Variants in SLC22A11 observed in about 807,000 individuals in gnomAD.
SLC22A11 encodes organic anion transporter 4.
Under a neutral mutation model 49.4 loss-of-function variants are expected in SLC22A11, and 42 were observed. That is an observed-to-expected ratio of 0.85 (90% CI 0.66 to 1.10). SLC22A11 has a LOEUF of 1.10. Ranked by LOEUF, SLC22A11 falls within the 50% of genes least tolerant of loss-of-function variation. The pLI is 0.00. For synonymous variants in SLC22A11, 304 were observed against 315.8 expected (o/e 0.96, Z 0.40); for missense variants, 685 against 731.6 (o/e 0.94, Z 0.74).
At position 64,569,807 on chromosome 11, in the gene SLC22A11, C is replaced by T. The variant is rs748923537; in HGVS notation, c.1538C>T (p.Pro513Leu). 7 of 1,613,886 alleles carry T rather than the reference C, an allele frequency of 4.3e-6. No individual in the cohort carries two copies. Among genetic ancestry groups the T allele is most frequent in the East Asian group, 2.2e-5 (1 of 44,892 alleles). ...AGCCTGGTTGTGCTGTTCTTCCTCC[C>T]GGAGACCCAGGGACTTCCGCTCCCT... ...ASSLVVLFFL[P>L]ETQGLPLPDT... is the part of the protein sequence containing the mutation. Residue 513 changes from proline (P) to leucine (L), a missense_variant, in exon 9 of 10, where the codon CCG (proline) becomes CTG (leucine). Pro to Leu is a moderately conservative substitution (Grantham distance 98, BLOSUM62 -3). Transcript: ENST00000301891.
chr11:64,564,995 C>T lies in SLC22A11; in HGVS notation c.943-227C>T, dbSNP rs2038603252. On this transcript the variant is annotated intron_variant, in intron 5 of 9. Transcript: ENST00000301891. The surrounding 1 kb of genome is among the most constrained non-coding windows in gnomAD (Gnocchi z 4.2). ...GGGAAGGCTTCCAGAAGGAGGCAAG[C>T]TAGAGCTGAGAGGACCAGGGCTGAG... Among the ~76,000 whole-genome samples, 1 of 152,194 alleles carries T rather than the reference C, an allele frequency of 6.6e-6. No individual in the cohort carries two copies. The highest frequency in any genetic ancestry group is 2.1e-4 in the South Asian group (1 of 4,828).
At position 64,564,241 on chromosome 11, in the gene SLC22A11, C is replaced by G; in HGVS notation, c.822-67C>G. 2.5e-6 allele frequency: 4 copies of G among 1,599,364 alleles called. No individual in the cohort carries two copies. Among genetic ancestry groups the G allele is most frequent in the Non-Finnish European group, 3.4e-6 (4 of 1,171,310 alleles). ...CAGCTGGAGGGTCCGTGCCCACTGC[C>G]CCTTTCCACCCCGCCCCGGGGGAGA... is the stretch of plus-strand genomic sequence containing the variant. On this transcript the variant is annotated intron_variant, in intron 4 of 9. Coordinates refer to ENST00000301891, the MANE Select transcript of SLC22A11 (RefSeq NM_018484.4). The surrounding 1 kb of genome is among the most constrained non-coding windows in gnomAD (Gnocchi z 4.2).
rs186206900 is a variant in SLC22A11, at chr11:64,564,253, C to T, written c.822-55C>T. The T allele has an allele frequency of 2.7e-5, 43 of 1,605,798 alleles. No individual in the cohort carries two copies. The highest frequency in any genetic ancestry group is 1.7e-4 in the South Asian group (15 of 90,078). Reference sequence around the variant, plus strand: ...CCGTGCCCACTGCCCCTTTCCACCCCGCCCCGGGGGAGAGCCCAGCGTGCA... The same window carrying T: ...CCGTGCCCACTGCCCCTTTCCACCCTGCCCCGGGGGAGAGCCCAGCGTGCA... On this transcript the variant is annotated intron_variant, in intron 4 of 9. Coordinates refer to ENST00000301891, the MANE Select transcript of SLC22A11 (RefSeq NM_018484.4). The surrounding 1 kb of genome is among the most constrained non-coding windows in gnomAD (Gnocchi z 4.2).
In SLC22A11 at chr11:64,569,666, G is replaced by A. The variant is rs1043971845; in HGVS notation, c.1397G>A (p.Gly466Asp). The change falls in exon 9 of 10, where the codon GGC becomes GAC. Residue 466 changes from glycine (G) to aspartate (D), a missense_variant. Coordinates refer to ENST00000301891, the MANE Select transcript of SLC22A11 (RefSeq NM_018484.4). Reference sequence around the variant, plus strand: ...TTCACCCACAGGATGACAGCAGATGGCATTCTGCATACAGTGGGCCGGCTG... The same window carrying A: ...TTCACCCACAGGATGACAGCAGATGACATTCTGCATACAGTGGGCCGGCTG... ...FPTPVRMTAD[G>D]ILHTVGRLGA... 2 of 1,613,868 alleles carry A rather than the reference G, an allele frequency of 1.2e-6. No homozygotes were observed. Among genetic ancestry groups the A allele is most frequent in the Admixed American group, 1.7e-5 (1 of 59,990 alleles).
chr11:64,565,155 C>T lies in SLC22A11; in HGVS notation c.943-67C>T. On this transcript the variant is annotated intron_variant, in intron 5 of 9. Transcript: ENST00000301891. The surrounding 1 kb of genome is among the most constrained non-coding windows in gnomAD (Gnocchi z 4.1). ...TCACTCTGGCCACTTGGACACTGTT[C>T]TCTGGCACAGGGGGTGGGGCAGGGC... The T allele has an allele frequency of 7.8e-7, 1 of 1,282,444 alleles. No individual in the cohort carries two copies. Among genetic ancestry groups the T allele is most frequent in the African/African-American group, 1.5e-5 (1 of 67,796 alleles). 79.4% of individuals were successfully genotyped at this position (1,282,444 alleles called of 1,614,324 possible). A position where few individuals can be genotyped will look rare whatever the true frequency, so the allele number is the denominator to read the frequency against.
At chr11:64,566,162 CTG>C (rs900180601) in intron 6 of SLC22A11, 17 of 153,688 alleles carry the variant, frequency 1.1e-4, no homozygotes, top group African/African-American at 3.9e-4. Context: ...AGGAGGATCA[CTG>C]GAGCCCAGGA....
chr11:64,565,533 G>A lies in SLC22A11; in HGVS notation c.1058+196G>A, dbSNP rs777447179. The A allele has an allele frequency of 3.1e-6, 2 of 653,376 alleles. No homozygotes were observed. Among genetic ancestry groups the A allele is most frequent in the Non-Finnish European group, 2.8e-6 (1 of 354,210 alleles). The allele number at this position is 653,376 out of a possible 1,614,324, so 40.5% of individuals were successfully genotyped here. A position where few individuals can be genotyped will look rare whatever the true frequency, so the allele number is the denominator to read the frequency against. On this transcript the variant is annotated intron_variant, in intron 6 of 9. Transcript: ENST00000301891. This position sits in a 1 kb window ranked among gnomAD's most constrained non-coding sequence, Gnocchi z 4.1. Reference sequence around the variant, plus strand: ...GGCAGCAGAGAGGGACTATGCACAGGTGGGATCTGGAGGCTGCCATCTGCA... The same window carrying A: ...GGCAGCAGAGAGGGACTATGCACAGATGGGATCTGGAGGCTGCCATCTGCA...
Position 64,556,041 on chromosome 11 carries a change from C to T in SLC22A11, c.42C>T (p.Gly14=). 1.2e-6 allele frequency: 2 copies of T among 1,613,274 alleles called. No homozygotes were observed. Among genetic ancestry groups the T allele is most frequent in the Non-Finnish European group, 1.7e-6 (2 of 1,179,988 alleles). Reference sequence around the variant, plus strand: ...TCTTGGAGCAAGCCGGAGGCGTGGGCCTCTTCCAGACCCTGCAGGTGCTCA... The same window carrying T: ...TCTTGGAGCAAGCCGGAGGCGTGGGTCTCTTCCAGACCCTGCAGGTGCTCA... ...SKLLEQAGGV[G]LFQTLQVLTF... is the part of the protein sequence containing the mutation. Residue 14 remains glycine, a synonymous_variant, in exon 1 of 10, where the codon GGC becomes GGT. Coordinates refer to ENST00000301891, the MANE Select transcript of SLC22A11 (RefSeq NM_018484.4).
rs962321674 is a variant in SLC22A11, at chr11:64,564,132, C to T, written c.822-176C>T. ...TGGGCGGCCAGGCATTGGGACTCAGCTTTATTCTGAAACCGCTGGGGACTG... is the reference window on the plus strand; with the variant it reads ...TGGGCGGCCAGGCATTGGGACTCAGTTTTATTCTGAAACCGCTGGGGACTG... On this transcript the variant is annotated intron_variant, in intron 4 of 9. Coordinates refer to ENST00000301891, the MANE Select transcript of SLC22A11 (RefSeq NM_018484.4). The surrounding 1 kb of genome is among the most constrained non-coding windows in gnomAD (Gnocchi z 4.2). Among the ~76,000 whole-genome samples, 2 of 152,150 alleles carry T rather than the reference C, an allele frequency of 1.3e-5. No homozygotes were observed. Among genetic ancestry groups the T allele is most frequent in the Non-Finnish European group, 2.9e-5 (2 of 68,018 alleles).
chr11:64,565,485 C>A lies in SLC22A11; in HGVS notation c.1058+148C>A, dbSNP rs1287695165. The A allele has an allele frequency of 1.4e-6, 1 of 711,504 alleles. No homozygotes were observed. Among genetic ancestry groups the A allele is most frequent in the Non-Finnish European group, 2.5e-6 (1 of 398,422 alleles). 44.1% of individuals were successfully genotyped at this position (711,504 alleles called of 1,614,324 possible). Reference sequence around the variant, plus strand: ...CTGTCTGGGACAGGACGCAGACAGCCCCAGCAGGCAGGAGTCCTGGCAGGC... The same window carrying A: ...CTGTCTGGGACAGGACGCAGACAGCACCAGCAGGCAGGAGTCCTGGCAGGC... On this transcript the variant is annotated intron_variant, in intron 6 of 9. Transcript: ENST00000301891. This position sits in a 1 kb window ranked among gnomAD's most constrained non-coding sequence, Gnocchi z 4.1.
At chr11:64,567,386 G>A (rs2038639697) in intron 6 of SLC22A11, among the ~76,000 whole-genome samples, 1 of 152,252 alleles carries the variant, frequency 6.6e-6, no homozygotes. Context: ...AGGGATGGTG[G>A]AGCCACCCTG....
In SLC22A11 at chr11:64,564,495, C is replaced by T. The variant is rs2038596302; in HGVS notation, c.942+67C>T. 1.0e-5 allele frequency: 16 copies of T among 1,577,960 alleles called. No individual in the cohort carries two copies. The East Asian group carries it at 3.4e-4, about 33-fold the overall frequency. On this transcript the variant is annotated intron_variant, in intron 5 of 9. Coordinates refer to ENST00000301891, the MANE Select transcript of SLC22A11 (RefSeq NM_018484.4). The surrounding 1 kb of genome is among the most constrained non-coding windows in gnomAD (Gnocchi z 4.2). The stretch of plus-strand genomic sequence containing the variant: ...GTGCACTGAGGGATCATCCGTGTGG[C>T]CTCCAACAGCACCACCCACTCCAGC...
At position 64,567,787 on chromosome 11, in the gene SLC22A11, T is replaced by C; in HGVS notation, c.1247T>C (p.Ile416Thr). ...AGSQAMAGLAILANMLVPQDL... is the reference protein window; with the variant it reads ...AGSQAMAGLATLANMLVPQDL... ...TCCCAGGCCATGGCCGGCCTCGCCA[T>C]TCTAGCCAACATGCTGGTGCCGCAA... The change falls in exon 7 of 10, where the codon ATT becomes ACT. Residue 416 changes from isoleucine (I) to threonine (T), a missense_variant. Physicochemically the swap from Ile to Thr is moderately conservative, Grantham distance 89. Transcript: ENST00000301891. 6.2e-7 allele frequency: 1 copy of C among 1,607,016 alleles called. No individual in the cohort carries two copies. Among genetic ancestry groups the C allele is most frequent in the Non-Finnish European group, 8.5e-7 (1 of 1,177,714 alleles).
intron 6 of SLC22A11, 112 bp from the exon 7 acceptor site, chr11:64,567,487 T>G: frequency 1.1e-6 from 1 of 942,156 alleles, no homozygotes; most frequent in Non-Finnish European, 1.7e-6. Context: ...CCCAGGATTG[T>G]CCTCCGGGGT....
chr11:64,556,034 G>A lies in SLC22A11; in HGVS notation c.35G>A (p.Gly12Asp), dbSNP rs768614163. ...AFSKLLEQAGGVGLFQTLQVL... is the reference protein window; with the variant it reads ...AFSKLLEQAGDVGLFQTLQVL... ...TCGAAGCTCTTGGAGCAAGCCGGAG[G>A]CGTGGGCCTCTTCCAGACCCTGCAG... Residue 12 changes from glycine (G) to aspartate (D), a missense_variant, in exon 1 of 10, where the codon GGC becomes GAC. Gly to Asp is a moderately conservative substitution (Grantham distance 94). Coordinates refer to ENST00000301891, the MANE Select transcript of SLC22A11 (RefSeq NM_018484.4). 6.2e-7 allele frequency: 1 copy of A among 1,612,928 alleles called. No homozygotes were observed. Among genetic ancestry groups the A allele is most frequent in the Non-Finnish European group, 8.5e-7 (1 of 1,179,996 alleles).
intron 2 of SLC22A11, among the ~76,000 whole-genome samples, chr11:64,561,110 C>A (rs1383963693): frequency 1.3e-5 from 2 of 152,240 alleles, no homozygotes; most frequent in Admixed American, 6.5e-5. Context: ...TTGAGTGGCA[C>A]TAAATGCAAT....
chr11:64,564,489 G>A lies in SLC22A11; in HGVS notation c.942+61G>A, dbSNP rs891738354. 17 of 1,588,350 alleles carry A rather than the reference G, an allele frequency of 1.1e-5. No individual in the cohort carries two copies. Among genetic ancestry groups the A allele is most frequent in the Middle Eastern group, 1.7e-4 (1 of 5,862 alleles). On this transcript the variant is annotated intron_variant, in intron 5 of 9. Transcript: ENST00000301891. The surrounding 1 kb of genome is among the most constrained non-coding windows in gnomAD (Gnocchi z 4.2). ...CAGGACGTGCACTGAGGGATCATCC[G>A]TGTGGCCTCCAACAGCACCACCCAC...
rs752376667 is a variant in SLC22A11 at position 64,571,078 on chromosome 11, C to T, written c.*36C>T. The stretch of plus-strand genomic sequence containing the variant: ...TGCATGGAGCCCCTTTAGTCAAAGA[C>T]TCCTGGAAAGGAGTTGCCTCTTCTC... On this transcript the variant is annotated 3_prime_UTR_variant, in exon 10 of 10. Coordinates refer to ENST00000301891, the MANE Select transcript of SLC22A11 (RefSeq NM_018484.4). 9 of 1,611,086 alleles carry T rather than the reference C, an allele frequency of 5.6e-6. No homozygotes were observed. The highest frequency in any genetic ancestry group is 7.6e-6 in the Non-Finnish European group (9 of 1,177,262).
At chr11:64,568,584 C>A in intron 7 of SLC22A11, 86 bp from the exon 8 acceptor site, 2 of 1,134,894 alleles carry the variant, frequency 1.8e-6, no homozygotes, top group African/African-American at 1.5e-5. Context: ...AGGGTCCCCT[C>A]TGCTCCAGGC....
Sources: allele counts gnomAD v4.1 joint callset (sites outside exome capture counted in the v4.1 genomes callset), GRCh38; gene constraint gnomAD v4.1.1; non-coding constraint Gnocchi (gnomAD v3.1); transcripts MANE v1.5; gene names NCBI Gene and HGNC (gene_info 2026-07-23, HGNC 2026-07-21).